DCC: variants seen among roughly 807,000 people sequenced by gnomAD.
DCC encodes DCC netrin 1 receptor.
A neutral mutation model predicts 172.5 loss-of-function variants in DCC; 58 were observed. The observed-to-expected ratio is 0.34, with a 90% CI of 0.27 to 0.42. DCC has a LOEUF of 0.42. Among genes scored for constraint, DCC ranks in the 10% least tolerant of loss-of-function variants. The pLI, the probability that DCC is intolerant of heterozygous loss-of-function variation, is 1.00. For missense variants in DCC, 1,740 were observed against 1,791.0 expected, an observed-to-expected ratio of 0.97 and a Z score of 0.51; for synonymous variants, 709 against 644.5, an observed-to-expected ratio of 1.10 and a Z score of -1.52.
chr18:53,297,921 A>G (rs1367362724), intron 12 of DCC, among the ~76,000 whole-genome samples: 1 of 152,200 alleles, frequency 6.6e-6, no homozygotes, highest in Non-Finnish European at 1.5e-5. Context: ...ACAGATGAGG[A>G]TGAATAAAAC....
chr18:52,958,778 G>T (rs182957354), intron 5 of DCC, among the ~76,000 whole-genome samples: 1 of 152,076 alleles, frequency 6.6e-6, no homozygotes, highest in Non-Finnish European at 1.5e-5. Flanking sequence ...ACATGTTGTC[G>T]GGAGGGGTCA....
intron 2 of DCC, among the ~76,000 whole-genome samples, chr18:52,784,414 CA>C (rs917258820): frequency 1.1e-4 from 17 of 152,052 alleles, no homozygotes; most frequent in African/African-American, 3.9e-4. Context: ...ATTCCCTCTC[CA>C]TTGGATAAAT....
chr18:52,725,379 T>C (rs542946829), intron 1 of DCC, among the ~76,000 whole-genome samples: 1 of 152,228 alleles, frequency 6.6e-6, no homozygotes, highest in African/African-American at 2.4e-5. Context: ...GCTCAAAAGC[T>C]TCAAGTTCTT....
At chr18:53,185,559 C>T (rs1365809982) in intron 9 of DCC, among the ~76,000 whole-genome samples, 1 of 151,952 alleles carries the variant, frequency 6.6e-6, no homozygotes, top group Non-Finnish European at 1.5e-5. Context: ...AATTAAAAAC[C>T]AAAAATTCAA....
intron 2 of DCC, among the ~76,000 whole-genome samples, chr18:52,788,526 A>G (rs1289270581): frequency 1.3e-5 from 2 of 152,206 alleles, no homozygotes; most frequent in African/African-American, 4.8e-5. Context: ...CATTTTGCCA[A>G]TAATCCTTAA....
Position 53,534,893 on chromosome 18 carries a change from TG to T in DCC, c.*4241del, listed in dbSNP as rs1453417392. On this transcript the variant is annotated 3_prime_UTR_variant, in exon 29 of 29. Coordinates refer to ENST00000442544, the MANE Select transcript of DCC (RefSeq NM_005215.4). ...GTGGCAGACTTCCAGTTGCACTCTC[TG>T]AAGGACTTTTTTCTCTTACTCTCAA... 6.6e-6 allele frequency: 1 copy of T among 152,210 alleles called. No homozygotes were observed. Among genetic ancestry groups the T allele is most frequent in the Non-Finnish European group, 1.5e-5 (1 of 68,040 alleles). The allele number at this position is 152,210 out of a possible 1,614,324, so 9.4% of individuals were successfully genotyped here. A position where few individuals can be genotyped will look rare whatever the true frequency, so the allele number is the denominator to read the frequency against.
At chr18:53,262,353 G>C (rs924006734) in intron 12 of DCC, among the ~76,000 whole-genome samples, 1 of 152,294 alleles carries the variant, frequency 6.6e-6, no homozygotes, top group South Asian at 2.1e-4. Flanking sequence ...CCATTCTGTG[G>C]TGGTCTAACT....
chr18:52,364,022 G>A (rs1212124994), intron 1 of DCC, among the ~76,000 whole-genome samples: 2 of 152,176 alleles, frequency 1.3e-5, no homozygotes, highest in Non-Finnish European at 2.9e-5. Context: ...CCCTGAGACT[G>A]ACACCTAAGC....
chr18:53,426,523 C>T (rs1910975383), intron 21 of DCC, among the ~76,000 whole-genome samples: 1 of 149,008 alleles, frequency 6.7e-6, no homozygotes, highest in African/African-American at 2.5e-5. Flanking sequence ...GCAAAGTATA[C>T]TGCTTTTACT....
At chr18:52,986,096 C>A (rs773125535) in intron 5 of DCC, among the ~76,000 whole-genome samples, 8 of 152,048 alleles carry the variant, frequency 5.3e-5, no homozygotes, top group Non-Finnish European at 7.4e-5. Flanking sequence ...TCTCTGTCAC[C>A]ATGGAAAATT....
intron 5 of DCC, among the ~76,000 whole-genome samples, chr18:52,992,551 T>C (rs1478651408): frequency 1.3e-5 from 2 of 152,180 alleles, no homozygotes; most frequent in African/African-American, 4.8e-5. Flanking sequence ...AGCTTATCTT[T>C]CCTTAAAAGA....
intron 25 of DCC, among the ~76,000 whole-genome samples, chr18:53,478,259 A>G (rs1377909454): frequency 2.0e-5 from 3 of 152,196 alleles, no homozygotes; most frequent in Non-Finnish European, 4.4e-5. Context: ...GCTATTTCCA[A>G]GAAGTGGGGT....
intron 1 of DCC, among the ~76,000 whole-genome samples, chr18:52,456,117 G>C (rs991094914): frequency 1.3e-5 from 2 of 152,086 alleles, no homozygotes; most frequent in African/African-American, 4.8e-5. Context: ...GTCCTCTGTT[G>C]AAAACAGATT....
intron 17 of DCC, among the ~76,000 whole-genome samples, chr18:53,394,640 A>C (rs1908798306): frequency 6.6e-6 from 1 of 152,138 alleles, no homozygotes; most frequent in Non-Finnish European, 1.5e-5. Context: ...ACTCAGTCTC[A>C]GCTCTCAAAC....
intron 1 of DCC, among the ~76,000 whole-genome samples, chr18:52,446,836 C>A (rs976273442): frequency 5.0e-4 from 76 of 152,314 alleles, no homozygotes; most frequent in African/African-American, 1.8e-3. Flanking sequence ...CCTTTTGAGG[C>A]AAGTTGAACA....
At chr18:52,654,766 C>G (rs2035213124) in intron 1 of DCC, among the ~76,000 whole-genome samples, 1 of 152,102 alleles carries the variant, frequency 6.6e-6, no homozygotes, top group Non-Finnish European at 1.5e-5. Context: ...AACATACCCC[C>G]TCTTCCCTGT....
chr18:53,003,842 A>G (rs779353614), intron 5 of DCC, among the ~76,000 whole-genome samples: 3 of 152,084 alleles, frequency 2.0e-5, no homozygotes, highest in Non-Finnish European at 4.4e-5. Context: ...TGCATGAGTG[A>G]TTAGTGTTCA....
rs188267190 is a variant in DCC, at chr18:52,487,549, G to A, written c.91+146671G>A. ...AAGTAGACCGGGCACGGTGGCTCAC[G>A]CCTGTAATCCCAGCACTTTAGGAGG... On this transcript the variant is annotated intron_variant, in intron 1 of 28. Transcript: ENST00000442544. 2.0e-3 allele frequency among the ~76,000 whole-genome samples: 309 copies of A among 152,164 alleles called. 4 individuals are homozygous for A. The highest frequency in any genetic ancestry group is 6.5e-3 in the African/African-American group (272 of 41,528).
intron 12 of DCC, among the ~76,000 whole-genome samples, chr18:53,295,251 G>T (rs528652505): frequency 6.1e-4 from 93 of 151,658 alleles, no homozygotes; most frequent in African/African-American, 1.8e-3. Flanking sequence ...CTTAATACAA[G>T]AAATTATATA....
Sources: gnomAD v4.1 joint callset for allele counts (sites outside exome capture counted in the v4.1 genomes callset) on GRCh38, gnomAD v4.1.1 for gene constraint, MANE v1.5 for transcripts, NCBI Gene and HGNC (gene_info 2026-07-23, HGNC 2026-07-21) for gene names.